The following DOC2B variants were observed in gnomAD, a reference collection of about 807,000 sequenced individuals.
DOC2B encodes double C2-like domain-containing protein beta.
A neutral mutation model predicts 28.9 loss-of-function variants in DOC2B; 21 were observed. The observed-to-expected ratio is 0.73, with a 90% CI of 0.52 to 1.05. DOC2B has a LOEUF of 1.05. DOC2B is among the 50% of genes least tolerant of loss of function. The probability of loss-of-function intolerance (pLI) is 0.00; values close to 1 mark genes in which losing one functional copy is unlikely to be tolerated. For missense variants in DOC2B, 384 were observed against 421.1 expected (o/e 0.91, Z 0.77); for synonymous variants, 194 against 178.1 (o/e 1.09, Z -0.71).
At chr17:148,589 C>G (rs1361930022) in intron 7 of DOC2B, among the ~76,000 whole-genome samples, 1 of 152,076 alleles carries the variant, frequency 6.6e-6, no homozygotes, top group African/African-American at 2.4e-5. Flanking sequence ...TTTGCTGACC[C>G]CTCCCTTCTC....
intron 4 of DOC2B, 79 bp downstream of exon 4, chr17:162,002 C>G: frequency 1.9e-6 from 2 of 1,026,774 alleles, no homozygotes; most frequent in South Asian, 1.4e-5. Flanking sequence ...ATCTGACCCT[C>G]CAGTCCTGCC....
chr17:147,937 A>G (rs1222859590), intron 8 of DOC2B, among the ~76,000 whole-genome samples: 1 of 152,010 alleles, frequency 6.6e-6, no homozygotes, highest in African/African-American at 2.4e-5. Flanking sequence ...ACTGCCCATC[A>G]TTGTCTCTTG....
At chr17:162,559 G>A (rs986788279) in intron 3 of DOC2B, among the ~76,000 whole-genome samples, 1 of 152,250 alleles carries the variant, frequency 6.6e-6, no homozygotes, top group African/African-American at 2.4e-5. Context: ...AAGGAGCTAG[G>A]AAACTGTGGG....
Position 145,660 on chromosome 17 carries a change from C to G in DOC2B, c.*1781G>C, listed in dbSNP as rs894589164. Reference sequence around the variant, plus strand: ...ACCCTGGACCTCAGGTGGTGGTGTGCTTTGTGTCTGCAGTGGAAGGTCCCA... The same window carrying G: ...ACCCTGGACCTCAGGTGGTGGTGTGGTTTGTGTCTGCAGTGGAAGGTCCCA... On this transcript the variant is annotated 3_prime_UTR_variant, in exon 9 of 9. Transcript: ENST00000613549. The G allele has an allele frequency of 9.8e-5, 15 of 152,432 alleles. No individual in the cohort carries two copies. Among genetic ancestry groups the G allele is most frequent in the African/African-American group, 3.4e-4 (14 of 41,456 alleles). 9.4% of individuals were successfully genotyped at this position (152,432 alleles called of 1,614,324 possible). A position where few individuals can be genotyped will look rare whatever the true frequency, so the allele number is the denominator to read the frequency against.
intron 1 of DOC2B, among the ~76,000 whole-genome samples, chr17:174,648 C>T (rs550519083): frequency 4.6e-5 from 7 of 152,184 alleles, no homozygotes; most frequent in Non-Finnish European, 8.8e-5. Flanking sequence ...CAGAGGGTCC[C>T]GGGTGGCCCT....
At chr17:175,029 C>T (rs2040353963) in intron 1 of DOC2B, among the ~76,000 whole-genome samples, 1 of 152,208 alleles carries the variant, frequency 6.6e-6, no homozygotes, top group Admixed American at 6.5e-5. Context: ...CACTTGAGCC[C>T]AGGATTTCAA....
At chr17:162,954 G>A (rs2151467456) in intron 3 of DOC2B, among the ~76,000 whole-genome samples, 1 of 152,296 alleles carries the variant, frequency 6.6e-6, no homozygotes, top group Admixed American at 6.5e-5. Flanking sequence ...CTCCTTGTCT[G>A]AATCGGTCTG....
intron 2 of DOC2B, among the ~76,000 whole-genome samples, 192 bp from the exon 3 acceptor site, chr17:164,396 A>G (rs1019712195): frequency 6.6e-6 from 1 of 152,090 alleles, no homozygotes; most frequent in Admixed American, 6.5e-5. Flanking sequence ...TCCCCTCCCC[A>G]AAACATCCTG....
In DOC2B at chr17:144,841, T is replaced by G. The variant is rs1285301568; in HGVS notation, c.*2600A>C. On this transcript the variant is annotated 3_prime_UTR_variant, in exon 9 of 9. Transcript: ENST00000613549. Reference sequence around the variant, plus strand: ...CCCCTTTCACCCACTGGGCCTCACATTCCCCATGTGCCTAATAAGGAAGTC... The same window carrying G: ...CCCCTTTCACCCACTGGGCCTCACAGTCCCCATGTGCCTAATAAGGAAGTC... The G allele has an allele frequency of 2.0e-5, 3 of 152,234 alleles. No individual in the cohort carries two copies. The highest frequency in any genetic ancestry group is 4.4e-5 in the Non-Finnish European group (3 of 68,068). The allele number at this position is 152,234 out of a possible 1,614,324, so 9.4% of individuals were successfully genotyped here. A position where few individuals can be genotyped will look rare whatever the true frequency, so the allele number is the denominator to read the frequency against.
intron 2 of DOC2B, among the ~76,000 whole-genome samples, chr17:169,450 G>C (rs534960202): frequency 3.3e-5 from 5 of 151,832 alleles, no homozygotes. Context: ...GAAGGTAGAA[G>C]GTACTTAGCA....
chr17:162,389 G>A (rs2040215630), intron 3 of DOC2B, among the ~76,000 whole-genome samples, 199 bp from the exon 4 acceptor site: 1 of 152,138 alleles, frequency 6.6e-6, no homozygotes, highest in Non-Finnish European at 1.5e-5. Context: ...TTGTTGGGTG[G>A]CCCAATGTGG....
intron 6 of DOC2B, among the ~76,000 whole-genome samples, chr17:151,706 G>A (rs2040073902): frequency 6.6e-6 from 1 of 152,140 alleles, no homozygotes; most frequent in Non-Finnish European, 1.5e-5. Context: ...GACGGGTGAG[G>A]AGCAGGGACA....
At position 172,629 on chromosome 17, in the gene DOC2B, G is replaced by A. The variant is rs1275188360; in HGVS notation, c.374-13C>T. 2 of 1,547,674 alleles carry A rather than the reference G, an allele frequency of 1.3e-6. No homozygotes were observed. The highest frequency in any genetic ancestry group is 2.4e-5 in the East Asian group (1 of 40,876). On this transcript the variant is annotated splice_polypyrimidine_tract_variant and intron_variant, in intron 1 of 8. Coordinates refer to ENST00000613549, the MANE Select transcript of DOC2B (RefSeq NM_003585.5). ...GTGCCCAGGGCAGCTGCGGACAGAG[G>A]AGGGCACAGGTCCCACCCTGGCCGC...
At chr17:172,660 G>A in intron 1 of DOC2B, 44 bp from the exon 2 acceptor site, 1 of 1,503,034 alleles carries the variant, frequency 6.7e-7, no homozygotes, top group Non-Finnish European at 9.0e-7. Flanking sequence ...GCCGCATCTT[G>A]GAGAGGCTTC....
chr17:172,938 G>A (rs2040329057), intron 1 of DOC2B, among the ~76,000 whole-genome samples: 1 of 152,330 alleles, frequency 6.6e-6, no homozygotes, highest in Admixed American at 6.5e-5. Context: ...TGCCCTCCTG[G>A]TGCAACTGCC....
intron 1 of DOC2B, among the ~76,000 whole-genome samples, chr17:180,635 C>A (rs2040429508): frequency 6.6e-6 from 1 of 152,032 alleles, no homozygotes; most frequent in South Asian, 2.1e-4. Flanking sequence ...CAGCCTCGGG[C>A]CCCTCCCCAG....
intron 1 of DOC2B, among the ~76,000 whole-genome samples, chr17:176,240 C>T (rs2040368585): frequency 1.3e-5 from 2 of 152,002 alleles, no homozygotes; most frequent in South Asian, 4.2e-4. Flanking sequence ...GTTACCCAGG[C>T]TGGAGTACAG....
chr17:176,554 T>C (rs1365308413), intron 1 of DOC2B, among the ~76,000 whole-genome samples: 1 of 152,120 alleles, frequency 6.6e-6, no homozygotes, highest in East Asian at 1.9e-4. Flanking sequence ...CCACTTTGTT[T>C]AGCTGAAATC....
At position 156,315 on chromosome 17, in the gene DOC2B, G is replaced by C. The variant is rs1555522509; in HGVS notation, c.828C>G (p.Tyr276Ter). 1 of 1,551,682 alleles carries C rather than the reference G, an allele frequency of 6.4e-7. No individual in the cohort carries two copies. Among genetic ancestry groups the C allele is most frequent in the Non-Finnish European group, 8.7e-7 (1 of 1,146,988 alleles). Residue 276 changes from tyrosine to a stop codon, truncating the protein, a stop_gained, in exon 6 of 9, where the codon TAC becomes TAG. Coordinates refer to ENST00000613549, the MANE Select transcript of DOC2B (RefSeq NM_003585.5). LOFTEE classifies it high-confidence loss of function. Reference sequence around the variant, plus strand: ...CCAGCAGGCCTTGCTTCTGTGAGCTGTACTTGAGGGAGATGAGGATGCGGC... The same window carrying C: ...CCAGCAGGCCTTGCTTCTGTGAGCTCTACTTGAGGGAGATGAGGATGCGGC... ...ERGRILISLK[Y>*]SSQKQGLLVG...
Sources: allele counts gnomAD v4.1 joint callset (sites outside exome capture counted in the v4.1 genomes callset), GRCh38; gene constraint gnomAD v4.1.1; transcripts MANE v1.5; gene names NCBI Gene and HGNC (gene_info 2026-07-23, HGNC 2026-07-21).